KRT23: variants seen among roughly 807,000 people sequenced by gnomAD.
The protein encoded by KRT23 is keratin, type I cytoskeletal 23.
KRT23 carries 38 observed loss-of-function variants against 47.6 expected under a neutral mutation model. That is an observed-to-expected ratio of 0.80 (90% CI 0.62 to 1.05). The LOEUF is 1.05. KRT23 is among the 50% of genes least tolerant of loss of function. KRT23 has a pLI of 0.00. For synonymous variants in KRT23, 191 were observed against 199.0 expected (o/e 0.96, Z 0.34); for missense variants, 503 against 529.5 (o/e 0.95, Z 0.49).
rs186070174 is a variant in KRT23, at chr17:40,935,707, T to C, written c.396+501A>G. Among the ~76,000 whole-genome samples, 52 of 152,304 alleles carry C rather than the reference T, an allele frequency of 3.4e-4. No homozygotes were observed. In the East Asian group the frequency reaches 9.1e-3, roughly 27 times the overall value. ...CTTTTAGGCATAATCTTCAAAATAG[T>C]GTAACAGCCTTTTGTCGATGGATAA... On this transcript the variant is annotated intron_variant, in intron 2 of 8. Coordinates refer to ENST00000209718, the MANE Select transcript of KRT23 (RefSeq NM_015515.5).
chr17:40,925,669 G>A, intron 6 of KRT23, 95 bp from the exon 7 acceptor site: 1 of 924,098 alleles, frequency 1.1e-6, no homozygotes, highest in Non-Finnish European at 1.7e-6. Context: ...CGACCAGTTG[G>A]CTAGGTGTCT....
Position 40,924,631 on chromosome 17 carries a change from C to T in KRT23, c.1143-128G>A, listed in dbSNP as rs1052036564. Reference sequence around the variant, plus strand: ...TCTTTAATGAGGATAATTGTCTGAGCTTAGTAGTCTCAAGGTCATGGGTTC... The same window carrying T: ...TCTTTAATGAGGATAATTGTCTGAGTTTAGTAGTCTCAAGGTCATGGGTTC... On this transcript the variant is annotated intron_variant, in intron 7 of 8. Transcript: ENST00000209718. The T allele has an allele frequency of 2.9e-5, 22 of 751,296 alleles. No individual in the cohort carries two copies. The East Asian group carries it at 5.3e-4, about 18-fold the overall frequency. 46.5% of individuals were successfully genotyped at this position (751,296 alleles called of 1,614,324 possible). A position where few individuals can be genotyped will look rare whatever the true frequency, so the allele number is the denominator to read the frequency against.
chr17:40,925,775 T>C (rs1909191437), intron 6 of KRT23, among the ~76,000 whole-genome samples: 1 of 152,194 alleles, frequency 6.6e-6, no homozygotes, highest in South Asian at 2.1e-4. Flanking sequence ...ACTTTTGAAG[T>C]CCATTGCCTT....
chr17:40,931,432 A>C lies in KRT23; in HGVS notation c.420T>G (p.Asn140Lys). The C allele has an allele frequency of 6.2e-7, 1 of 1,613,924 alleles. No individual in the cohort carries two copies. Among genetic ancestry groups the C allele is most frequent in the Non-Finnish European group, 8.5e-7 (1 of 1,179,742 alleles). Residue 140 changes from asparagine to lysine, a missense_variant, in exon 3 of 9, where the codon AAT (asparagine) becomes AAG (lysine). Coordinates refer to ENST00000209718, the MANE Select transcript of KRT23 (RefSeq NM_015515.5). ...QEQIVDGKMT[N>K]AQIILLIDNA... The stretch of plus-strand genomic sequence containing the variant: ...TGTCAATGAGAAGAATAATCTGAGC[A>C]TTGGTCATCTTACCATCCACTATCT...
intron 6 of KRT23, among the ~76,000 whole-genome samples, chr17:40,926,943 G>C (rs1443096431): frequency 6.6e-6 from 1 of 151,480 alleles, no homozygotes; most frequent in East Asian, 1.9e-4. Context: ...ACTCACTGTA[G>C]CCACATGGAC....
intron 6 of KRT23, among the ~76,000 whole-genome samples, chr17:40,927,741 AGC>A (rs1909321109): frequency 6.6e-6 from 1 of 152,206 alleles, no homozygotes; most frequent in Non-Finnish European, 1.5e-5. Context: ...CTTTGGAGTT[AGC>A]CAGGCCTGGA....
At position 40,928,537 on chromosome 17, in the gene KRT23, T is replaced by A; in HGVS notation, c.707A>T (p.Asp236Val). The A allele has an allele frequency of 2.5e-6, 4 of 1,614,060 alleles. No individual in the cohort carries two copies. The highest frequency in any genetic ancestry group is 3.4e-6 in the Non-Finnish European group (4 of 1,179,950). ...CATATCCTCCAGGACCTTAATCAGA[T>A]CTTCCCTGGGACCTGTATCCACCTT... ...NVKVDTGPRE[D>V]LIKVLEDMRQ... Residue 236 changes from aspartate to valine, a missense_variant, in exon 5 of 9, where the codon GAT (aspartate) becomes GTT (valine). Asp to Val is a radical substitution (Grantham distance 152). Coordinates refer to ENST00000209718, the MANE Select transcript of KRT23 (RefSeq NM_015515.5).
intron 6 of KRT23, among the ~76,000 whole-genome samples, chr17:40,927,965 C>T (rs1909334549): frequency 6.6e-6 from 1 of 152,134 alleles, no homozygotes; most frequent in African/African-American, 2.4e-5. Flanking sequence ...TTCCTCATCT[C>T]TAAAATGGGG....
At position 40,937,415 on chromosome 17, in the gene KRT23, T is replaced by C. The variant is rs74874695; in HGVS notation, c.-420A>G. On this transcript the variant is annotated 5_prime_UTR_variant, in exon 1 of 9. Coordinates refer to ENST00000209718, the MANE Select transcript of KRT23 (RefSeq NM_015515.5). Reference sequence around the variant, plus strand: ...AAACAACCCTGGCCTGCGCTCAGGATTTCCCTTGGCCCTGGGGGAGGAATG... The same window carrying C: ...AAACAACCCTGGCCTGCGCTCAGGACTTCCCTTGGCCCTGGGGGAGGAATG... 1,039 of 152,378 alleles carry C rather than the reference T, an allele frequency of 6.8e-3. 11 individuals are homozygous for C. The highest frequency in any genetic ancestry group is 0.024 in the African/African-American group (995 of 41,560). The allele number at this position is 152,378 out of a possible 1,614,324, so 9.4% of individuals were successfully genotyped here.
At position 40,925,387 on chromosome 17, in the gene KRT23, G is replaced by A. The variant is rs115317761; in HGVS notation, c.1109C>T (p.Thr370Met). The part of the protein sequence containing the change: ...IKTHLEKEIT[T>M]YRRLLEGESE... ...CTCTCCCTCCAGGAGCCGTCGGTACGTGGTGATTTCCTTCTCCAGGTGGGT... is the reference window on the plus strand; with the variant it reads ...CTCTCCCTCCAGGAGCCGTCGGTACATGGTGATTTCCTTCTCCAGGTGGGT... Residue 370 changes from threonine to methionine, a missense_variant, in exon 7 of 9, where the codon ACG becomes ATG. Coordinates refer to ENST00000209718, the MANE Select transcript of KRT23 (RefSeq NM_015515.5). 410 of 1,613,822 alleles carry A rather than the reference G, an allele frequency of 2.5e-4. 3 individuals are homozygous for A. In the African/African-American group the frequency reaches 5.0e-3, roughly 20 times the overall value.
intron 2 of KRT23, among the ~76,000 whole-genome samples, chr17:40,935,521 T>G (rs896594755): frequency 1.3e-5 from 2 of 152,204 alleles, no homozygotes; most frequent in Admixed American, 1.3e-4. Flanking sequence ...AAGGTCTTTA[T>G]AGCCATCTCA....
intron 2 of KRT23, 106 bp from the exon 3 acceptor site, chr17:40,931,561 A>G (rs745348047): frequency 3.0e-5 from 23 of 773,080 alleles, no homozygotes; most frequent in Non-Finnish European, 4.9e-5. Flanking sequence ...ACTTGTTAGT[A>G]CAGACAACTT....
chr17:40,930,019 G>A lies in KRT23; in HGVS notation c.557C>T (p.Thr186Ile), dbSNP rs564675213. Residue 186 changes from threonine (T) to isoleucine (I), a missense_variant, in exon 4 of 9, where the codon ACC (threonine) becomes ATC (isoleucine). Thr to Ile is a moderately conservative substitution (Grantham distance 89). Coordinates refer to ENST00000209718, the MANE Select transcript of KRT23 (RefSeq NM_015515.5). ...EGLRRTLDNL[T>I]IVTTDLEQEV... ...CTGTTCTAGGTCTGTTGTGACAATG[G>A]TCAGGTTGTCTAAGGTCCTTCGGAG... The A allele has an allele frequency of 4.3e-6, 7 of 1,614,012 alleles. No homozygotes were observed. The highest frequency in any genetic ancestry group is 1.1e-5 in the South Asian group (1 of 91,080).
In KRT23 at chr17:40,928,593, A is replaced by T. The variant is rs745339065; in HGVS notation, c.651T>A (p.His217Gln). ...TGACATTGAAGTCACTTGGCACATG[A>T]TGCTTCTCCATTTCCTATTTAATAA... Reference protein sequence around the residue: ...KKHHEQEMEKHHVPSDFNVNV... With the variant: ...KKHHEQEMEKQHVPSDFNVNV... Residue 217 changes from histidine to glutamine, a missense_variant, in exon 5 of 9, where the codon CAT becomes CAA. Physicochemically the swap from His to Gln is conservative, Grantham distance 24. Coordinates refer to ENST00000209718, the MANE Select transcript of KRT23 (RefSeq NM_015515.5). 9 of 1,612,026 alleles carry T rather than the reference A, an allele frequency of 5.6e-6. No homozygotes were observed. The highest frequency in any genetic ancestry group is 7.6e-6 in the Non-Finnish European group (9 of 1,179,622).
At chr17:40,936,102 G>A (rs571104096) in intron 2 of KRT23, 106 bp downstream of exon 2, 28 of 1,213,520 alleles carry the variant, frequency 2.3e-5, no homozygotes, top group South Asian at 1.9e-4. Flanking sequence ...TACTTCAAGC[G>A]CTGATGCCAT....
At chr17:40,925,332 C>T (rs574546692) in intron 7 of KRT23, 22 bp downstream of exon 7, 3 of 1,605,498 alleles carry the variant, frequency 1.9e-6, no homozygotes, top group Non-Finnish European at 2.6e-6. Context: ...GCATGCTCCT[C>T]TCGTGCCAGC....
chr17:40,928,586 G>T lies in KRT23; in HGVS notation c.658C>A (p.Pro220Thr). 1 of 1,612,876 alleles carries T rather than the reference G, an allele frequency of 6.2e-7. No individual in the cohort carries two copies. Reference sequence around the variant, plus strand: ...TTCACATTGACATTGAAGTCACTTGGCACATGATGCTTCTCCATTTCCTAT... The same window carrying T: ...TTCACATTGACATTGAAGTCACTTGTCACATGATGCTTCTCCATTTCCTAT... ...HEQEMEKHHV[P>T]SDFNVNVKVD... The change falls in exon 5 of 9, where the codon CCA becomes ACA. Residue 220 changes from proline to threonine, a missense_variant. Coordinates refer to ENST00000209718, the MANE Select transcript of KRT23 (RefSeq NM_015515.5).
intron 2 of KRT23, among the ~76,000 whole-genome samples, chr17:40,933,768 T>C (rs1909858585): frequency 6.6e-6 from 1 of 152,206 alleles, no homozygotes; most frequent in South Asian, 2.1e-4. Context: ...TGACACAATC[T>C]TCATGGTAAT....
At chr17:40,928,398 A>G in intron 5 of KRT23, 38 bp from the exon 6 acceptor site, 1 of 1,614,048 alleles carries the variant, frequency 6.2e-7, no homozygotes, top group Non-Finnish European at 8.5e-7. Context: ...CAGCATTGGG[A>G]CCTCATGGAA....
Sources: gnomAD v4.1 joint callset for allele counts (sites outside exome capture counted in the v4.1 genomes callset) on GRCh38, gnomAD v4.1.1 for gene constraint, MANE v1.5 for transcripts, NCBI Gene and HGNC (gene_info 2026-07-23, HGNC 2026-07-21) for gene names.